The following FAM135A variants were observed in gnomAD, a reference collection of about 807,000 sequenced individuals.
The protein encoded by FAM135A is family with sequence similarity 135 member A.
FAM135A carries 79 observed loss-of-function variants against 146.8 expected under a neutral mutation model. That is an observed-to-expected ratio of 0.54 (90% confidence interval 0.45 to 0.65). The LOEUF (loss-of-function observed/expected upper bound fraction) is 0.65. Among genes scored for constraint, FAM135A ranks in the 30% least tolerant of loss-of-function variants. FAM135A has a pLI of 0.00. For synonymous variants in FAM135A, 562 were observed against 603.6 expected (o/e 0.93, Z 1.01); for missense variants, 1,623 against 1,758.2 (o/e 0.92, Z 1.38).
intron 4 of FAM135A, among the ~76,000 whole-genome samples, chr6:70,433,855 C>G (rs1020929641): frequency 6.6e-6 from 1 of 152,186 alleles, no homozygotes; most frequent in Non-Finnish European, 1.5e-5. Flanking sequence ...AATGTATTTA[C>G]ATGATAATTA....
chr6:70,553,149 G>A (rs944171100), intron 20 of FAM135A, among the ~76,000 whole-genome samples: 1 of 152,060 alleles, frequency 6.6e-6, no homozygotes, highest in African/African-American at 2.4e-5. Context: ...AACCAACCAT[G>A]TTGCTCCCCC....
At chr6:70,471,588 GATCA>G (rs60140578) in intron 5 of FAM135A, among the ~76,000 whole-genome samples, 20,892 of 151,882 alleles carry the variant, frequency 0.14, 3,482 homozygotes, top group African/African-American at 0.4. Flanking sequence ...GGAGGGAGAG[GATCA>G]ATCAGGAAGA....
At chr6:70,454,867 G>A (rs1324192041) in intron 5 of FAM135A, among the ~76,000 whole-genome samples, 5 of 152,280 alleles carry the variant, frequency 3.3e-5, no homozygotes, top group Admixed American at 6.5e-5. Flanking sequence ...GTAGCATGAC[G>A]TCTCCAGCTT....
intron 20 of FAM135A, among the ~76,000 whole-genome samples, chr6:70,541,692 T>C (rs1185627580): frequency 1.3e-5 from 2 of 152,208 alleles, no homozygotes; most frequent in East Asian, 3.8e-4. Flanking sequence ...CTCTGTGCTG[T>C]GCTCTAGACT....
At chr6:70,507,178 A>G (rs1031757249) in intron 12 of FAM135A, among the ~76,000 whole-genome samples, 1 of 152,170 alleles carries the variant, frequency 6.6e-6, no homozygotes, top group Non-Finnish European at 1.5e-5. Context: ...TAATAAAGAC[A>G]AAATAAGAAA....
At chr6:70,440,346 T>C (rs1188622768) in intron 4 of FAM135A, among the ~76,000 whole-genome samples, 1 of 152,166 alleles carries the variant, frequency 6.6e-6, no homozygotes, top group East Asian at 1.9e-4. Flanking sequence ...ATGGTACCCA[T>C]TGATGATCTT....
chr6:70,540,614 C>T (rs978306075), intron 20 of FAM135A, among the ~76,000 whole-genome samples: 13 of 152,114 alleles, frequency 8.5e-5, no homozygotes, highest in African/African-American at 2.7e-4. Context: ...CGTGAGCCAC[C>T]GCACCTGGCT....
At chr6:70,460,868 T>G (rs2128096130) in intron 5 of FAM135A, among the ~76,000 whole-genome samples, 1 of 151,276 alleles carries the variant, frequency 6.6e-6, no homozygotes, top group South Asian at 2.1e-4. Context: ...TTTTTTTAAG[T>G]AGACTCTCAC....
At chr6:70,534,504 G>A (rs1796453984) in intron 18 of FAM135A, among the ~76,000 whole-genome samples, 2 of 151,458 alleles carry the variant, frequency 1.3e-5, no homozygotes, top group South Asian at 2.1e-4. Flanking sequence ...AGAGATGGGG[G>A]TTTCACCGTG....
intron 8 of FAM135A, among the ~76,000 whole-genome samples, chr6:70,478,187 A>T (rs1352624788): frequency 2.0e-5 from 3 of 152,162 alleles, no homozygotes; most frequent in African/African-American, 7.2e-5. Flanking sequence ...AAAGGTATAT[A>T]ATATTCTGGA....
intron 1 of FAM135A, 110 bp downstream of exon 1, chr6:70,413,812 C>A: frequency 4.1e-6 from 4 of 985,454 alleles, no homozygotes; most frequent in Non-Finnish European, 4.8e-6. Flanking sequence ...TCTTCGTCCG[C>A]CGTTCGCCCG....
At chr6:70,449,480 A>G (rs937570245) in intron 4 of FAM135A, among the ~76,000 whole-genome samples, 1 of 152,208 alleles carries the variant, frequency 6.6e-6, no homozygotes, top group African/African-American at 2.4e-5. Context: ...TTTAGATTCT[A>G]CATGTAAGTG....
chr6:70,557,802 A>G (rs969559769), intron 21 of FAM135A: 2 of 151,182 alleles, frequency 1.3e-5, no homozygotes, highest in African/African-American at 4.9e-5. Context: ...TTATTTTTCT[A>G]CATTGTGACG....
At chr6:70,510,060 G>T (rs911780927) in intron 12 of FAM135A, among the ~76,000 whole-genome samples, 1 of 151,934 alleles carries the variant, frequency 6.6e-6, no homozygotes, top group African/African-American at 2.4e-5. Context: ...AATTTAAAGA[G>T]AACATGCCAT....
At chr6:70,543,190 A>G (rs1421373559) in intron 20 of FAM135A, among the ~76,000 whole-genome samples, 1 of 152,190 alleles carries the variant, frequency 6.6e-6, no homozygotes, top group Non-Finnish European at 1.5e-5. Flanking sequence ...TCTAGCCCAT[A>G]TATTCAGCGA....
chr6:70,425,138 C>G (rs1273796563), intron 2 of FAM135A, among the ~76,000 whole-genome samples: 1 of 149,936 alleles, frequency 6.7e-6, no homozygotes, highest in Non-Finnish European at 1.5e-5. Context: ...CACACACACA[C>G]AGAGTATACC....
chr6:70,509,278 A>G (rs1158059399), intron 12 of FAM135A, among the ~76,000 whole-genome samples: 1 of 152,182 alleles, frequency 6.6e-6, no homozygotes, highest in Non-Finnish European at 1.5e-5. Context: ...TATTAAAAAA[A>G]AAATTATGTC....
chr6:70,439,797 T>G (rs1209557573), intron 4 of FAM135A, among the ~76,000 whole-genome samples: 4 of 152,208 alleles, frequency 2.6e-5, no homozygotes, highest in African/African-American at 7.2e-5. Context: ...TTTGTTTCTT[T>G]AATGGAAAGT....
chr6:70,431,500 T>C (rs114210586), intron 4 of FAM135A, among the ~76,000 whole-genome samples: 3,082 of 152,188 alleles, frequency 0.02, 104 homozygotes, highest in African/African-American at 0.07. Flanking sequence ...AGACCTCATA[T>C]CATCTAGGCT....
Sources: allele counts gnomAD v4.1 joint callset (sites outside exome capture counted in the v4.1 genomes callset), GRCh38; gene constraint gnomAD v4.1.1; transcripts MANE v1.5; gene names NCBI Gene and HGNC (gene_info 2026-07-23, HGNC 2026-07-21).